NAV1: variants seen among roughly 807,000 people sequenced by gnomAD.
NAV1 encodes neuron navigator 1.
In NAV1, 18 loss-of-function variants were observed where a neutral mutation model predicts 175.2. The ratio of observed to expected loss-of-function variants is 0.10; its 90% CI spans 0.07 to 0.15. The LOEUF is 0.15. Among genes scored for constraint, NAV1 ranks in the 10% least tolerant of loss-of-function variants. The pLI is 1.00. For synonymous variants in NAV1, 897 were observed against 978.7 expected (o/e 0.92, Z 1.56); for missense variants, 1,731 against 2,436.6 (o/e 0.71, Z 6.10).
chr1:201,701,009 CA>C (rs386369321), intron 1 of NAV1, among the ~76,000 whole-genome samples: 106 of 52,748 alleles, frequency 2.0e-3, no homozygotes, highest in African/African-American at 6.7e-3. Context: ...GACTCTGTCT[CA>C]AAAAAAAAAA....
At chr1:201,709,709 G>C (rs913617459) in intron 1 of NAV1, among the ~76,000 whole-genome samples, 1 of 152,136 alleles carries the variant, frequency 6.6e-6, no homozygotes, top group South Asian at 2.1e-4. Context: ...CCTCTGCAGG[G>C]CCCCTCCAGC....
At chr1:201,607,218 C>T (rs912165437) in intron 2 of NAV1, among the ~76,000 whole-genome samples, 24 of 149,926 alleles carry the variant, frequency 1.6e-4, no homozygotes, top group African/African-American at 4.9e-4. Context: ...CAGGTTTAAG[C>T]GATTCTCCTG....
Position 201,782,199 on chromosome 1 carries a change from G to C in NAV1, c.1687G>C (p.Asp563His). Reference sequence around the variant, plus strand: ...AGGCAAACCTGAGGGCAAAGCTACAGACAAGGGTAAGCTTGCAGTGAAGAA... The same window carrying C: ...AGGCAAACCTGAGGGCAAAGCTACACACAAGGGTAAGCTTGCAGTGAAGAA... Residue 563 changes from aspartate to histidine, a missense_variant, in exon 6 of 30, where the codon GAC becomes CAC. Transcript: ENST00000367296. The surrounding 1 kb of genome is among the most constrained non-coding windows in gnomAD (Gnocchi z 5.4). 1 of 1,602,198 alleles carries C rather than the reference G, an allele frequency of 6.2e-7. No individual in the cohort carries two copies. The highest frequency in any genetic ancestry group is 1.3e-5 in the African/African-American group (1 of 74,572).
intron 1 of NAV1, among the ~76,000 whole-genome samples, chr1:201,685,441 G>A (rs768803020): frequency 2.0e-5 from 3 of 152,162 alleles, no homozygotes; most frequent in Non-Finnish European, 4.4e-5. Flanking sequence ...AAATGAGCTC[G>A]CACCTTCCCC....
At chr1:201,714,364 C>T (rs1433780950) in intron 2 of NAV1, among the ~76,000 whole-genome samples, 2 of 152,230 alleles carry the variant, frequency 1.3e-5, no homozygotes, top group Non-Finnish European at 2.9e-5. Context: ...TACTCCTCCC[C>T]CTATCCCCAG....
chr1:201,690,251 G>A (rs1670856620), intron 1 of NAV1, among the ~76,000 whole-genome samples: 3 of 116,504 alleles, frequency 2.6e-5, no homozygotes, highest in African/African-American at 9.0e-5. Flanking sequence ...GCCTGTCCGT[G>A]GCAGAGTATG....
chr1:201,662,623 G>C (rs1016323588), intron 1 of NAV1, among the ~76,000 whole-genome samples: 1 of 152,182 alleles, frequency 6.6e-6, no homozygotes, highest in Non-Finnish European at 1.5e-5. Flanking sequence ...CCCACAGCAG[G>C]GGGGGTAATT....
intron 1 of NAV1, among the ~76,000 whole-genome samples, chr1:201,571,426 T>C (rs1666541104): frequency 1.3e-5 from 2 of 152,240 alleles, no homozygotes; most frequent in South Asian, 4.1e-4. Flanking sequence ...AAGATATATA[T>C]TGAGCACCTT....
At chr1:201,765,302 G>C (rs1231253453) in intron 3 of NAV1, among the ~76,000 whole-genome samples, 2 of 150,918 alleles carry the variant, frequency 1.3e-5, no homozygotes, top group Non-Finnish European at 2.9e-5. Context: ...TATTATTTCA[G>C]CATCGAACAG....
chr1:201,648,553 C>T lies in NAV1; in HGVS notation c.-116C>T, dbSNP rs897553145. ...CTCTCCCCTTCTTCCTCGGTTTCTT[C>T]CGTCCTCTCTCTCCCCCTCCTCCTC... On this transcript the variant is annotated 5_prime_UTR_variant, in exon 1 of 30. Transcript: ENST00000367296. 5.4e-5 allele frequency: 67 copies of T among 1,250,728 alleles called. 1 individual carries two copies. The East Asian group carries it at 1.3e-3, about 24-fold the overall frequency. The allele number at this position is 1,250,728 out of a possible 1,614,324, so 77.5% of individuals were successfully genotyped here.
intron 1 of NAV1, among the ~76,000 whole-genome samples, chr1:201,691,157 T>G (rs1670917734): frequency 6.6e-6 from 1 of 152,168 alleles, no homozygotes. Context: ...TGTAAGATGT[T>G]CAGCAGCATC....
chr1:201,648,408 C>T, exon 1 of NAV1: 2 of 1,223,196 alleles, frequency 1.6e-6, no homozygotes, highest in Non-Finnish European at 2.0e-6. Context: ...TTTCCTCCGA[C>T]CCCGCCCTAT....
chr1:201,545,976 C>A (rs1354114540), intron 1 of NAV1, among the ~76,000 whole-genome samples: 1 of 152,186 alleles, frequency 6.6e-6, no homozygotes, highest in African/African-American at 2.4e-5. Context: ...TTTCCCAGTT[C>A]ATTGGTGCAG....
At chr1:201,591,564 A>C (rs1667195144) in intron 2 of NAV1, among the ~76,000 whole-genome samples, 1 of 152,148 alleles carries the variant, frequency 6.6e-6, no homozygotes, top group Non-Finnish European at 1.5e-5. Flanking sequence ...TGGGACAGAA[A>C]ATAAGTGTGT....
intron 15 of NAV1, among the ~76,000 whole-genome samples, chr1:201,799,194 G>GTGTA (rs1397640330): frequency 2.6e-5 from 4 of 152,110 alleles, no homozygotes; most frequent in African/African-American, 9.7e-5. Flanking sequence ...GTGTGTGTGT[G>GTGTA]TGGAGAGAGA....
intron 2 of NAV1, among the ~76,000 whole-genome samples, chr1:201,605,384 G>A (rs1667646532): frequency 6.6e-6 from 1 of 152,092 alleles, no homozygotes; most frequent in African/African-American, 2.4e-5. Flanking sequence ...GGTAGCAGGA[G>A]GTGATGAGAC....
intron 3 of NAV1, among the ~76,000 whole-genome samples, chr1:201,753,005 G>A (rs760973247): frequency 1.3e-4 from 19 of 151,374 alleles, no homozygotes; most frequent in African/African-American, 4.4e-4. Flanking sequence ...GGTAGTTTTG[G>A]GGGGAACGAG....
rs1172530089 is a variant in NAV1 at position 201,810,969 on chromosome 1, TTTAAC to T, written c.4797+214_4797+218del. On this transcript the variant is annotated intron_variant, in intron 24 of 29. Coordinates refer to ENST00000367296, the Ensembl canonical transcript of NAV1. The surrounding 1 kb of genome is among the most constrained non-coding windows in gnomAD (Gnocchi z 6.0). ...CACGATTTCTTTCCAGCCTCTTGCC[TTTAAC>T]TTGTTTCTCCACACTTTCCCTTGCC... is the stretch of plus-strand genomic sequence containing the variant. 6.6e-6 allele frequency among the ~76,000 whole-genome samples: 1 copy of T among 152,148 alleles called. No individual in the cohort carries two copies. Among genetic ancestry groups the T allele is most frequent in the African/African-American group, 2.4e-5 (1 of 41,432 alleles).
At chr1:201,817,873 C>T (rs1355083977) in intron 29 of NAV1, among the ~76,000 whole-genome samples, 1 of 152,118 alleles carries the variant, frequency 6.6e-6, no homozygotes. Flanking sequence ...TCTGCAATGC[C>T]TGTAGCCAGA....
Sources: allele counts gnomAD v4.1 joint callset (sites outside exome capture counted in the v4.1 genomes callset), GRCh38; gene constraint gnomAD v4.1.1; non-coding constraint Gnocchi (gnomAD v3.1); transcripts MANE v1.5; gene names NCBI Gene and HGNC (gene_info 2026-07-23, HGNC 2026-07-21).